Variants in CLASP1 observed in about 807,000 individuals in gnomAD.
CLASP1 encodes cytoplasmic linker associated protein 1.
A neutral mutation model predicts 192.3 loss-of-function variants in CLASP1; 38 were observed. The ratio of observed to expected loss-of-function variants is 0.20; its 90% CI spans 0.15 to 0.26. CLASP1 has a LOEUF of 0.26. Ranked by LOEUF, CLASP1 falls within the 10% of genes least tolerant of loss-of-function variation. The pLI is 1.00. For synonymous variants in CLASP1, 691 were observed against 712.8 expected (o/e 0.97, Z 0.49); for missense variants, 1,433 against 1,932.5 (o/e 0.74, Z 4.85).
intron 6 of CLASP1, among the ~76,000 whole-genome samples, chr2:121,524,610 C>T (rs2094531376): frequency 6.6e-6 from 1 of 152,000 alleles, no homozygotes; most frequent in South Asian, 2.1e-4. Context: ...GTGAACGCCA[C>T]CATGCCTGGC....
intron 28 of CLASP1, among the ~76,000 whole-genome samples, chr2:121,399,581 A>G (rs923351637): frequency 1.3e-5 from 2 of 152,214 alleles, no homozygotes; most frequent in African/African-American, 4.8e-5. Context: ...AAAACCTCCT[A>G]TTAGCAGTCG....
chr2:121,557,617 A>G (rs781101166), intron 2 of CLASP1, among the ~76,000 whole-genome samples: 2 of 151,386 alleles, frequency 1.3e-5, no homozygotes, highest in East Asian at 3.9e-4. Flanking sequence ...ACTATTAACA[A>G]TGGAGGGTGG....
intron 2 of CLASP1, among the ~76,000 whole-genome samples, chr2:121,531,734 G>A (rs112964129): frequency 0.038 from 5,842 of 152,076 alleles, 158 homozygotes; most frequent in East Asian, 0.14. Context: ...TGGGCGTGGC[G>A]GCGCATGCCT....
intron 1 of CLASP1, among the ~76,000 whole-genome samples, chr2:121,613,959 G>A (rs932718229): frequency 2.6e-5 from 4 of 152,144 alleles, no homozygotes. Context: ...GCAGCTGAAG[G>A]CTCTACAATG....
intron 1 of CLASP1, among the ~76,000 whole-genome samples, chr2:121,643,712 T>C (rs2072589857): frequency 6.6e-6 from 1 of 152,212 alleles, no homozygotes; most frequent in African/African-American, 2.4e-5. Context: ...AGTCTGAAAT[T>C]GGGAGCCATG....
intron 2 of CLASP1, among the ~76,000 whole-genome samples, chr2:121,564,976 A>G (rs1392740696): frequency 6.6e-6 from 1 of 152,182 alleles, no homozygotes; most frequent in African/African-American, 2.4e-5. Flanking sequence ...ACTGTCAGAG[A>G]AAAGAAGTTG....
intron 22 of CLASP1, among the ~76,000 whole-genome samples, chr2:121,419,488 G>A (rs1017522072): frequency 5.3e-5 from 8 of 152,132 alleles, no homozygotes; most frequent in African/African-American, 1.9e-4. Flanking sequence ...CTTTCACACT[G>A]TGTCTAGAGC....
chr2:121,401,525 C>T (rs754994609), exon 28 of CLASP1: 1 of 1,611,566 alleles, frequency 6.2e-7, no homozygotes, highest in Non-Finnish European at 8.5e-7. Flanking sequence ...ACATCTAGAG[C>T]CTTTTGAACT....
intron 2 of CLASP1, chr2:121,530,876 T>G (rs74516896): frequency 4.3e-6 from 3 of 690,100 alleles, no homozygotes; most frequent in Non-Finnish European, 8.0e-6. Context: ...GGACTTTCTA[T>G]TATAACCATC....
chr2:121,406,379 A>T (rs1485036227), intron 25 of CLASP1, among the ~76,000 whole-genome samples: 1 of 152,232 alleles, frequency 6.6e-6, no homozygotes, highest in Non-Finnish European at 1.5e-5. Context: ...TTTATAAGCT[A>T]CATATATGCA....
chr2:121,466,881 G>T (rs1165179929), intron 9 of CLASP1, among the ~76,000 whole-genome samples: 1 of 152,216 alleles, frequency 6.6e-6, no homozygotes, highest in Admixed American at 6.5e-5. Flanking sequence ...AGGTAAACGT[G>T]TGCCATGGTG....
At chr2:121,506,868 A>G (rs544034436) in intron 7 of CLASP1, among the ~76,000 whole-genome samples, 1 of 152,346 alleles carries the variant, frequency 6.6e-6, no homozygotes, top group Admixed American at 6.5e-5. Context: ...CATATAACAA[A>G]GAACAAAGAC....
chr2:121,351,923 G>A (rs1386911002), intron 37 of CLASP1, among the ~76,000 whole-genome samples: 1 of 152,232 alleles, frequency 6.6e-6, no homozygotes, highest in Middle Eastern at 3.2e-3. Flanking sequence ...TGCTCTGTGT[G>A]TACGTTTGTT....
intron 37 of CLASP1, among the ~76,000 whole-genome samples, chr2:121,351,524 A>C (rs2064405583): frequency 6.6e-6 from 1 of 152,218 alleles, no homozygotes; most frequent in African/African-American, 2.4e-5. Flanking sequence ...CACTTAAAGA[A>C]GCCCTACCTC....
rs540201326 is a variant in CLASP1 at position 121,526,029 on chromosome 2, C to T, written c.471-109G>A. The T allele has an allele frequency of 6.8e-6, 5 of 736,582 alleles. No individual in the cohort carries two copies. In the African/African-American group the frequency reaches 8.7e-5, roughly 13 times the overall value. 45.6% of individuals were successfully genotyped at this position (736,582 alleles called of 1,614,324 possible). A position where few individuals can be genotyped will look rare whatever the true frequency, so the allele number is the denominator to read the frequency against. On this transcript the variant is annotated intron_variant, in intron 5 of 39. Coordinates refer to ENST00000263710, the Ensembl canonical transcript of CLASP1. Reference sequence around the variant, plus strand: ...GTGTCTCCCCAATCCCCATCACCACCTCATACCAAGTCTCTCTCCATCCCA... The same window carrying T: ...GTGTCTCCCCAATCCCCATCACCACTTCATACCAAGTCTCTCTCCATCCCA...
intron 30 of CLASP1, among the ~76,000 whole-genome samples, chr2:121,390,859 A>C (rs1009434458): frequency 3.4e-4 from 51 of 152,228 alleles, no homozygotes; most frequent in African/African-American, 1.2e-3. Flanking sequence ...TATGTTGCCC[A>C]GGCTGGAGTA....
intron 1 of CLASP1, among the ~76,000 whole-genome samples, chr2:121,629,114 G>A (rs909975596): frequency 3.3e-5 from 5 of 152,114 alleles, no homozygotes; most frequent in Non-Finnish European, 5.9e-5. Flanking sequence ...TGTTCTTGCC[G>A]GGCGCGGTGT....
At chr2:121,363,024 A>T in intron 37 of CLASP1, 148 bp downstream of exon 38, 2 of 951,754 alleles carry the variant, frequency 2.1e-6, no homozygotes, top group Non-Finnish European at 3.1e-6. Flanking sequence ...GACGACAGCA[A>T]TGGGGACTCC....
At chr2:121,513,445 A>T (rs2094199598) in intron 7 of CLASP1, among the ~76,000 whole-genome samples, 1 of 150,620 alleles carries the variant, frequency 6.6e-6, no homozygotes, top group African/African-American at 2.4e-5. Context: ...TTTTTTTTTT[A>T]AAGAGAAGAA....
Sources: gnomAD v4.1 joint callset for allele counts (sites outside exome capture counted in the v4.1 genomes callset) on GRCh38, gnomAD v4.1.1 for gene constraint, MANE v1.5 for transcripts, NCBI Gene and HGNC (gene_info 2026-07-23, HGNC 2026-07-21) for gene names.